TFDP2: variants seen among roughly 807,000 people sequenced by gnomAD.
TFDP2 encodes the protein transcription factor Dp-2.
In TFDP2, 17 loss-of-function variants were observed where a neutral mutation model predicts 59.3. The ratio of observed to expected loss-of-function variants is 0.29; its 90% CI spans 0.20 to 0.43. The LOEUF is 0.43. TFDP2 is among the 20% of genes least tolerant of loss of function. The pLI, the probability that TFDP2 is intolerant of heterozygous loss-of-function variation, is 1.00. For synonymous variants in TFDP2, 180 were observed against 194.7 expected, an observed-to-expected ratio of 0.92 and a Z score of 0.63; for missense variants, 391 against 528.8, an observed-to-expected ratio of 0.74 and a Z score of 2.56.
chr3:142,108,891 AC>A (rs1488495111), intron 1 of TFDP2, among the ~76,000 whole-genome samples: 1 of 151,964 alleles, frequency 6.6e-6, no homozygotes, highest in Non-Finnish European at 1.5e-5. Context: ...TCTGTCTGGA[AC>A]CTTTACCTGA....
chr3:142,149,137 C>T, intron 1 of TFDP2, 46 bp downstream of exon 1: 1 of 397,942 alleles, frequency 2.5e-6, no homozygotes, highest in Middle Eastern at 6.3e-4. Flanking sequence ...CGGCCGGGTC[C>T]AAAGGCCCTC....
intron 3 of TFDP2, chr3:142,044,226 G>GTTTT (rs142598439): frequency 2.2e-4 from 26 of 118,248 alleles, no homozygotes; most frequent in South Asian, 7.6e-4. Context: ...CAGCAAAAGG[G>GTTTT]TTTTTTTTTT....
At chr3:142,019,274 G>A (rs565236009) in intron 3 of TFDP2, among the ~76,000 whole-genome samples, 2 of 152,174 alleles carry the variant, frequency 1.3e-5, no homozygotes, top group South Asian at 4.1e-4. Context: ...GTGTTGCCCA[G>A]GCTGATCTTG....
At chr3:141,974,468 A>G (rs1195462765) in intron 7 of TFDP2, among the ~76,000 whole-genome samples, 1 of 152,200 alleles carries the variant, frequency 6.6e-6, no homozygotes, top group Non-Finnish European at 1.5e-5. Flanking sequence ...AATATACTAA[A>G]GGGATTTCTT....
chr3:141,979,873 G>A (rs1559965324), intron 6 of TFDP2, among the ~76,000 whole-genome samples: 1 of 151,254 alleles, frequency 6.6e-6, no homozygotes, highest in Non-Finnish European at 1.5e-5. Context: ...ACAGGCGTGA[G>A]CCACTGCGCC....
At chr3:142,050,831 G>A (rs1444934557) in intron 3 of TFDP2, among the ~76,000 whole-genome samples, 1 of 147,306 alleles carries the variant, frequency 6.8e-6, no homozygotes, top group Non-Finnish European at 1.5e-5. Context: ...CTGGGTGACA[G>A]AGTGAGACTC....
chr3:142,049,444 A>T (rs1477800692), intron 3 of TFDP2, among the ~76,000 whole-genome samples: 1 of 152,226 alleles, frequency 6.6e-6, no homozygotes, highest in Non-Finnish European at 1.5e-5. Context: ...CTCTCAGCAG[A>T]CAAGGAATAG....
chr3:142,098,577 T>C (rs938601392), intron 2 of TFDP2, among the ~76,000 whole-genome samples: 2 of 151,932 alleles, frequency 1.3e-5, no homozygotes, highest in Non-Finnish European at 2.9e-5. Flanking sequence ...TTAAGCAAGG[T>C]CAACTCAAAC....
chr3:142,143,663 C>CT (rs2063043005), intron 1 of TFDP2, among the ~76,000 whole-genome samples: 1 of 152,188 alleles, frequency 6.6e-6, no homozygotes, highest in African/African-American at 2.4e-5. Context: ...CTCAACATTG[C>CT]TGATCATCGA....
intron 2 of TFDP2, among the ~76,000 whole-genome samples, chr3:142,100,778 GA>G (rs1215351184): frequency 6.6e-6 from 1 of 152,184 alleles, no homozygotes; most frequent in Non-Finnish European, 1.5e-5. Context: ...CTGGGGAACT[GA>G]GAAAGATGAT....
chr3:142,091,400 T>C (rs2060992654), intron 3 of TFDP2, among the ~76,000 whole-genome samples: 1 of 152,026 alleles, frequency 6.6e-6, no homozygotes, highest in African/African-American at 2.4e-5. Flanking sequence ...ACCCTGTCTC[T>C]ACCAAAAATA....
chr3:142,128,048 A>G (rs944612464), intron 1 of TFDP2, among the ~76,000 whole-genome samples: 1 of 152,144 alleles, frequency 6.6e-6, no homozygotes, highest in Non-Finnish European at 1.5e-5. Flanking sequence ...AAGATTTTTT[A>G]AAAAAGGCAG....
At chr3:142,067,417 TA>T (rs759663903) in intron 3 of TFDP2, among the ~76,000 whole-genome samples, 5 of 151,614 alleles carry the variant, frequency 3.3e-5, no homozygotes, top group East Asian at 3.9e-4. Context: ...TAAATATATA[TA>T]TATATATAAG....
chr3:142,050,491 C>T (rs529068589), intron 3 of TFDP2, among the ~76,000 whole-genome samples: 99 of 151,718 alleles, frequency 6.5e-4, no homozygotes, highest in African/African-American at 2.1e-3. Flanking sequence ...GTCAGGAGAT[C>T]GAGACCATCC....
At chr3:142,070,357 C>T (rs1307102008) in intron 3 of TFDP2, among the ~76,000 whole-genome samples, 1 of 151,668 alleles carries the variant, frequency 6.6e-6, no homozygotes, top group Non-Finnish European at 1.5e-5. Context: ...TGGCTCACTG[C>T]AGCCTAAACC....
chr3:141,986,936 A>T (rs1942165688), intron 6 of TFDP2, among the ~76,000 whole-genome samples: 1 of 151,990 alleles, frequency 6.6e-6, no homozygotes. Flanking sequence ...GCCCGTTTGT[A>T]TTTTTTGCTA....
At chr3:142,006,188 C>T (rs1448805300) in intron 3 of TFDP2, among the ~76,000 whole-genome samples, 1 of 152,084 alleles carries the variant, frequency 6.6e-6, no homozygotes, top group African/African-American at 2.4e-5. Context: ...AGAAAATTCC[C>T]CCCAAAAGGA....
At chr3:142,045,902 C>A (rs1576827589) in intron 3 of TFDP2, among the ~76,000 whole-genome samples, 1 of 151,906 alleles carries the variant, frequency 6.6e-6, no homozygotes, top group Admixed American at 6.6e-5. Context: ...GGATTACAGG[C>A]GTGAGCCACT....
At chr3:142,113,879 A>G (rs2061749491) in intron 1 of TFDP2, among the ~76,000 whole-genome samples, 1 of 152,276 alleles carries the variant, frequency 6.6e-6, no homozygotes, top group East Asian at 1.9e-4. Flanking sequence ...ACTCTACAGA[A>G]TAGGGCCGGG....
Sources: allele counts gnomAD v4.1 joint callset (sites outside exome capture counted in the v4.1 genomes callset), GRCh38; gene constraint gnomAD v4.1.1; transcripts MANE v1.5; gene names NCBI Gene and HGNC (gene_info 2026-07-23, HGNC 2026-07-21).